PRKCB: variants seen among roughly 807,000 people sequenced by gnomAD.
PRKCB encodes the protein protein kinase C beta.
Under a neutral mutation model 81.5 loss-of-function variants are expected in PRKCB, and 13 were observed. The observed-to-expected ratio is 0.16, with a 90% CI of 0.10 to 0.25. PRKCB has a LOEUF of 0.25. Ranked by LOEUF, PRKCB falls within the 10% of genes least tolerant of loss-of-function variation. The pLI is 1.00. For missense variants in PRKCB, 509 were observed against 875.7 expected, an observed-to-expected ratio of 0.58 and a Z score of 5.29; for synonymous variants, 335 against 321.4, an observed-to-expected ratio of 1.04 and a Z score of -0.45.
rs779714683 is a variant in PRKCB, at chr16:24,141,359, T to A, written c.1066-13325T>A. On this transcript the variant is annotated intron_variant, in intron 9 of 16. Coordinates refer to ENST00000643927, the MANE Select transcript of PRKCB (RefSeq NM_002738.7). ...GCAAGCATGCACCACCATGCCTGGC[T>A]AATTTTTGTATTTTTTAGTAGAGAC... Among the ~76,000 whole-genome samples, 66 of 152,150 alleles carry A rather than the reference T, an allele frequency of 4.3e-4. No homozygotes were observed. The Middle Eastern group carries it at 0.01, about 24-fold the overall frequency.
In PRKCB at chr16:24,035,442, C is replaced by T; in HGVS notation, c.424C>T (p.Arg142Cys). ...CDTCMMNVHKRCVMNVPSLCG... is the reference protein window; with the variant it reads ...CDTCMMNVHKCCVMNVPSLCG... ...AGCCTGCATGATGAATGTGCACAAG[C>T]GCTGCGTGATGAATGTTCCCAGCCT... Residue 142 changes from arginine to cysteine, a missense_variant, in exon 5 of 17, where the codon CGC (arginine) becomes TGC (cysteine). Transcript: ENST00000643927. The T allele has an allele frequency of 1.2e-6, 2 of 1,614,096 alleles. No homozygotes were observed. The highest frequency in any genetic ancestry group is 1.7e-6 in the Non-Finnish European group (2 of 1,179,986).
chr16:23,936,579 A>ATT lies in PRKCB; in HGVS notation c.206-51905_206-51904dup, dbSNP rs57643578. 5.4e-3 allele frequency among the ~76,000 whole-genome samples: 522 copies of ATT among 95,970 alleles called. 1 individual carries two copies. The highest frequency in any genetic ancestry group is 0.015 in the South Asian group (39 of 2,540). The allele number at this position is 95,970 out of a possible 152,430, so 63.0% of individuals were successfully genotyped here. A position where few individuals can be genotyped will look rare whatever the true frequency, so the allele number is the denominator to read the frequency against. On this transcript the variant is annotated intron_variant, in intron 2 of 16. Coordinates refer to ENST00000643927, the MANE Select transcript of PRKCB (RefSeq NM_002738.7). Reference sequence around the variant, plus strand: ...AGGTGTGCACCACCACACCCAACTAATTTTTTTTTTTTTTTTTTTTTTTTT... The same window carrying ATT: ...AGGTGTGCACCACCACACCCAACTAATTTTTTTTTTTTTTTTTTTTTTTTTTT...
At chr16:24,082,349 G>C (rs1259920054) in intron 5 of PRKCB, among the ~76,000 whole-genome samples, 1 of 152,228 alleles carries the variant, frequency 6.6e-6, no homozygotes, top group South Asian at 2.1e-4. Context: ...TTGTATGTTT[G>C]GACACAGTGA....
intron 2 of PRKCB, among the ~76,000 whole-genome samples, chr16:23,845,636 T>C (rs2141077601): frequency 6.6e-6 from 1 of 152,190 alleles, no homozygotes; most frequent in Non-Finnish European, 1.5e-5. Flanking sequence ...AAACAAAATA[T>C]GTGCAGGAGA....
intron 2 of PRKCB, among the ~76,000 whole-genome samples, chr16:23,967,780 G>A (rs754954778): frequency 1.3e-5 from 2 of 152,168 alleles, no homozygotes; most frequent in African/African-American, 2.4e-5. Context: ...AGCCTCCCGA[G>A]TAGCTGGGAC....
intron 2 of PRKCB, among the ~76,000 whole-genome samples, chr16:23,916,103 G>T (rs539867264): frequency 3.3e-5 from 5 of 152,158 alleles, no homozygotes; most frequent in Non-Finnish European, 5.9e-5. Context: ...GCCCAGGCTG[G>T]AGTGCAGTGG....
intron 5 of PRKCB, among the ~76,000 whole-genome samples, chr16:24,077,215 T>G (rs1251513209): frequency 6.6e-6 from 1 of 152,068 alleles, no homozygotes; most frequent in African/African-American, 2.4e-5. Flanking sequence ...TCTACGGTGG[T>G]GAAGAATGGA....
chr16:24,219,875 G>A lies in PRKCB; in HGVS notation c.*5059G>A. ...CTCTTTCTGACTCTGCTCATGAGAT[G>A]GTATCAGCCACCCAATGACTGGCGT... On this transcript the variant is annotated 3_prime_UTR_variant, in exon 17 of 17. Coordinates refer to ENST00000643927, the MANE Select transcript of PRKCB (RefSeq NM_002738.7). 1 of 1,515,530 alleles carries A rather than the reference G, an allele frequency of 6.6e-7. No homozygotes were observed. The highest frequency in any genetic ancestry group is 8.9e-7 in the Non-Finnish European group (1 of 1,128,688). 93.9% of individuals were successfully genotyped at this position (1,515,530 alleles called of 1,614,324 possible).
At chr16:24,190,950 G>A (rs1405703619) in intron 15 of PRKCB, 140 bp from the exon 16 acceptor site, 4 of 1,045,020 alleles carry the variant, frequency 3.8e-6, no homozygotes, top group Non-Finnish European at 5.4e-6. Flanking sequence ...TTTTTGCTGG[G>A]ATAAAAAGCA....
rs1968195133 is a variant in PRKCB, at chr16:24,214,654, A to G, written c.1864-4A>G. ...CCACAAGTTCTTTTCTTCCCCTCTC[A>G]TAGTGTGGGCGAAATGCTGAAAACT... On this transcript the variant is annotated splice_region_variant and splice_polypyrimidine_tract_variant and intron_variant, in intron 16 of 16. Transcript: ENST00000643927. 1.2e-6 allele frequency: 2 copies of G among 1,613,322 alleles called. No individual in the cohort carries two copies. The highest frequency in any genetic ancestry group is 1.1e-5 in the South Asian group (1 of 91,018).
intron 3 of PRKCB, among the ~76,000 whole-genome samples, chr16:24,004,947 C>T (rs1362481458): frequency 6.6e-6 from 1 of 151,634 alleles, no homozygotes; most frequent in Non-Finnish European, 1.5e-5. Flanking sequence ...TGAAAATGAC[C>T]CAAGTCTCAC....
intron 5 of PRKCB, among the ~76,000 whole-genome samples, chr16:24,068,133 G>A (rs1966061114): frequency 6.6e-6 from 1 of 152,064 alleles, no homozygotes; most frequent in African/African-American, 2.4e-5. Flanking sequence ...CTGAAGACTT[G>A]CCAGGGCCCT....
intron 2 of PRKCB, among the ~76,000 whole-genome samples, chr16:23,857,145 A>C (rs1962581095): frequency 6.6e-6 from 1 of 152,174 alleles, no homozygotes; most frequent in South Asian, 2.1e-4. Context: ...TATTTTTCCA[A>C]ATAGAATTTT....
intron 10 of PRKCB, among the ~76,000 whole-genome samples, chr16:24,159,986 A>AAAAAT (rs940669456): frequency 7.6e-4 from 115 of 152,232 alleles, no homozygotes; most frequent in Middle Eastern, 3.4e-3. Flanking sequence ...CTTTGTCTCA[A>AAAAAT]AAAATAAAAT....
At chr16:24,099,151 G>C (rs997890163) in intron 7 of PRKCB, 32 of 152,160 alleles carry the variant, frequency 2.1e-4, no homozygotes, top group African/African-American at 7.5e-4. Flanking sequence ...CCAGGCTCTG[G>C]GTTGAGCTTT....
In PRKCB at chr16:24,123,817, T is replaced by G. The variant is rs201114095; in HGVS notation, c.919-18T>G. The G allele has an allele frequency of 6.2e-7, 1 of 1,613,296 alleles. No homozygotes were observed. Among genetic ancestry groups the G allele is most frequent in the Non-Finnish European group, 8.5e-7 (1 of 1,179,616 alleles). On this transcript the variant is annotated intron_variant, in intron 8 of 16. Coordinates refer to ENST00000643927, the MANE Select transcript of PRKCB (RefSeq NM_002738.7). ...CCTCAAACCCTGAGCATGTTTTCTG[T>G]GTGCTTCCTTTTTGCAGAGGGCCAA... is the stretch of plus-strand genomic sequence containing the variant.
At chr16:24,048,263 G>A (rs2141867538) in intron 5 of PRKCB, among the ~76,000 whole-genome samples, 1 of 152,246 alleles carries the variant, frequency 6.6e-6, no homozygotes, top group African/African-American at 2.4e-5. Flanking sequence ...AGTTACTGAG[G>A]GCATCTCCAT....
rs1241462553 is a variant in PRKCB, at chr16:23,988,456, C to A, written c.206-52C>A. The stretch of plus-strand genomic sequence containing the variant: ...TCTTCCTCCCTTTCTCTCTCTTCCT[C>A]CTCTCCGCTTTCCTTCTTCCCTTCC... On this transcript the variant is annotated intron_variant, in intron 2 of 16. Transcript: ENST00000643927. The A allele has an allele frequency of 2.1e-6, 3 of 1,457,806 alleles. No homozygotes were observed. In the African/African-American group the frequency reaches 4.2e-5, roughly 20 times the overall value. 90.3% of individuals were successfully genotyped at this position (1,457,806 alleles called of 1,614,324 possible). A position where few individuals can be genotyped will look rare whatever the true frequency, so the allele number is the denominator to read the frequency against.
At chr16:23,953,537 T>A (rs196003) in intron 2 of PRKCB, among the ~76,000 whole-genome samples, 146,781 of 152,284 alleles carry the variant, frequency 0.96, 70,776 homozygotes, top group East Asian at 1. Flanking sequence ...CCTGTTAGAC[T>A]TGACATTTAA....
Sources: gnomAD v4.1 joint callset for allele counts (sites outside exome capture counted in the v4.1 genomes callset) on GRCh38, gnomAD v4.1.1 for gene constraint, MANE v1.5 for transcripts, NCBI Gene and HGNC (gene_info 2026-07-23, HGNC 2026-07-21) for gene names.